UNC5D: variants seen among roughly 807,000 people sequenced by gnomAD.
UNC5D encodes the protein unc-5 netrin receptor D, also known as netrin receptor UNC5D.
A neutral mutation model predicts 105.4 loss-of-function variants in UNC5D; 39 were observed. The ratio of observed to expected loss-of-function variants is 0.37; its 90% CI spans 0.29 to 0.48. The LOEUF is 0.48. Ranked by LOEUF, UNC5D falls within the 20% of genes least tolerant of loss-of-function variation. The pLI is 0.98. For missense variants in UNC5D, 991 were observed against 1,202.4 expected, an observed-to-expected ratio of 0.82 and a Z score of 2.60; for synonymous variants, 452 against 450.4, an observed-to-expected ratio of 1.00 and a Z score of -0.04.
intron 1 of UNC5D, among the ~76,000 whole-genome samples, chr8:35,359,286 G>C (rs1044639258): frequency 7.9e-5 from 12 of 152,210 alleles, no homozygotes; most frequent in Non-Finnish European, 1.5e-4. Flanking sequence ...TGACCGTGTG[G>C]CTTCTTTTCT....
chr8:35,710,837 G>T (rs1454560952), intron 8 of UNC5D, among the ~76,000 whole-genome samples: 1 of 151,964 alleles, frequency 6.6e-6, no homozygotes, highest in Non-Finnish European at 1.5e-5. Context: ...CCTCTTTGTA[G>T]CCAGTCTTGC....
chr8:35,557,003 A>T (rs898924140), intron 2 of UNC5D, among the ~76,000 whole-genome samples: 16 of 152,206 alleles, frequency 1.1e-4, no homozygotes, highest in African/African-American at 3.9e-4. Context: ...GCAGGAGATG[A>T]TTTCAGTGAC....
At chr8:35,279,488 C>A (rs1438669288) in intron 1 of UNC5D, among the ~76,000 whole-genome samples, 1 of 152,160 alleles carries the variant, frequency 6.6e-6, no homozygotes, top group Non-Finnish European at 1.5e-5. Flanking sequence ...TGGACTGACC[C>A]TTTGCAATGA....
rs1471746308 is a variant in UNC5D, at chr8:35,235,747, C to G, written c.-38C>G. On this transcript the variant is annotated 5_prime_UTR_variant, in exon 1 of 17. Coordinates refer to ENST00000404895, the MANE Select transcript of UNC5D (RefSeq NM_080872.4). ...CCGACCCTTTCCCGGGCTCCCGGAGCGTGAAGAAGAGCCGCCCTCCGGAAC... is the reference window on the plus strand; with the variant it reads ...CCGACCCTTTCCCGGGCTCCCGGAGGGTGAAGAAGAGCCGCCCTCCGGAAC... The G allele has an allele frequency of 2.5e-6, 3 of 1,223,342 alleles. No homozygotes were observed. The Admixed American group carries it at 1.3e-4, about 52-fold the overall frequency. The allele number at this position is 1,223,342 out of a possible 1,614,324, so 75.8% of individuals were successfully genotyped here. A position where few individuals can be genotyped will look rare whatever the true frequency, so the allele number is the denominator to read the frequency against.
At chr8:35,525,969 C>A (rs1300283231) in intron 1 of UNC5D, among the ~76,000 whole-genome samples, 1 of 152,134 alleles carries the variant, frequency 6.6e-6, no homozygotes, top group Non-Finnish European at 1.5e-5. Flanking sequence ...CCAAATATAA[C>A]TGGTGTAATT....
intron 1 of UNC5D, among the ~76,000 whole-genome samples, chr8:35,406,963 T>C (rs1225391214): frequency 6.6e-6 from 1 of 152,144 alleles, no homozygotes; most frequent in Non-Finnish European, 1.5e-5. Flanking sequence ...TGTATACATA[T>C]ATGAACTATC....
rs78637287 is a variant in UNC5D, at chr8:35,429,493, G to A, written c.104-119799G>A. Among the ~76,000 whole-genome samples the A allele has an allele frequency of 2.8e-3, 419 of 152,178 alleles. 12 individuals are homozygous for A. The East Asian group carries it at 0.065, about 24-fold the overall frequency. On this transcript the variant is annotated intron_variant, in intron 1 of 16. Transcript: ENST00000404895. The stretch of plus-strand genomic sequence containing the variant: ...CTTAAGATTTTAGATACTGATGTCA[G>A]AGCATAAGTATACAAACTTGTTTTG...
intron 1 of UNC5D, among the ~76,000 whole-genome samples, chr8:35,293,359 GT>G (rs1406509980): frequency 6.6e-6 from 1 of 152,132 alleles, no homozygotes; most frequent in African/African-American, 2.4e-5. Flanking sequence ...CCATGGAAGG[GT>G]TTATAGCATA....
chr8:35,580,273 C>G (rs1177267348), intron 3 of UNC5D, among the ~76,000 whole-genome samples: 1 of 151,950 alleles, frequency 6.6e-6, no homozygotes, highest in Non-Finnish European at 1.5e-5. Context: ...GATATGAGAG[C>G]AGAATCAAAA....
chr8:35,715,082 T>G (rs1370829930), intron 8 of UNC5D, among the ~76,000 whole-genome samples: 1 of 152,110 alleles, frequency 6.6e-6, no homozygotes, highest in East Asian at 1.9e-4. Flanking sequence ...ACCCAGGAGA[T>G]GGAAGTTGCG....
intron 1 of UNC5D, among the ~76,000 whole-genome samples, chr8:35,517,474 T>G: frequency 6.6e-6 from 1 of 152,192 alleles, no homozygotes; most frequent in East Asian, 1.9e-4. Flanking sequence ...TAGTAGGGTA[T>G]AGTTTACCTA....
At chr8:35,295,263 A>G (rs1357728303) in intron 1 of UNC5D, among the ~76,000 whole-genome samples, 1 of 152,192 alleles carries the variant, frequency 6.6e-6, no homozygotes, top group Non-Finnish European at 1.5e-5. Flanking sequence ...AATAGATTTT[A>G]TGGTAGTAAT....
At chr8:35,311,270 A>G (rs2128878558) in intron 1 of UNC5D, among the ~76,000 whole-genome samples, 1 of 152,264 alleles carries the variant, frequency 6.6e-6, no homozygotes, top group African/African-American at 2.4e-5. Context: ...TTCAGAGAAT[A>G]TTTAGAAAGG....
At chr8:35,480,547 G>T (rs919920485) in intron 1 of UNC5D, among the ~76,000 whole-genome samples, 1 of 152,008 alleles carries the variant, frequency 6.6e-6, no homozygotes, top group African/African-American at 2.4e-5. Flanking sequence ...ACTCCTACTT[G>T]TTATTGCAAA....
At chr8:35,705,902 TTC>T (rs1338682453) in intron 7 of UNC5D, 25 bp from the exon 8 acceptor site, 2 of 1,307,710 alleles carry the variant, frequency 1.5e-6, no homozygotes, top group South Asian at 1.2e-5. Flanking sequence ...AAATGCAACT[TTC>T]TTTTTCTTTC....
At chr8:35,393,481 A>G (rs942820421) in intron 1 of UNC5D, among the ~76,000 whole-genome samples, 1 of 151,890 alleles carries the variant, frequency 6.6e-6, no homozygotes, top group African/African-American at 2.4e-5. Context: ...CACTTGTCAC[A>G]ATACTATTTC....
intron 2 of UNC5D, among the ~76,000 whole-genome samples, chr8:35,567,075 CAA>C (rs374314252): frequency 7.1e-5 from 9 of 126,636 alleles, no homozygotes; most frequent in East Asian, 2.3e-4. Flanking sequence ...TGTAAAGTAA[CAA>C]AAAAAAAAAA....
At chr8:35,591,272 TAAAAA>T (rs1819156231) in intron 3 of UNC5D, among the ~76,000 whole-genome samples, 1 of 151,876 alleles carries the variant, frequency 6.6e-6, no homozygotes, top group Admixed American at 6.6e-5. Flanking sequence ...AAGCAAAAAA[TAAAAA>T]AGAATTTGAT....
chr8:35,445,899 TA>T (rs1165186477), intron 1 of UNC5D, among the ~76,000 whole-genome samples: 1 of 152,126 alleles, frequency 6.6e-6, no homozygotes, highest in Non-Finnish European at 1.5e-5. Context: ...TATAAAAGTT[TA>T]AAACTGAAAA....
Sources: gnomAD v4.1 joint callset for allele counts (sites outside exome capture counted in the v4.1 genomes callset) on GRCh38, gnomAD v4.1.1 for gene constraint, MANE v1.5 for transcripts, NCBI Gene and HGNC (gene_info 2026-07-23, HGNC 2026-07-21) for gene names.